DCAF6: variants seen among roughly 807,000 people sequenced by gnomAD.
DCAF6 encodes DDB1 and CUL4 associated factor 6, also known as DDB1- and CUL4-associated factor 6.
In DCAF6, 54 loss-of-function variants were observed where a neutral mutation model predicts 125.1. The observed-to-expected ratio is 0.43, with a 90% confidence interval of 0.35 to 0.54. The LOEUF is 0.54. DCAF6 is among the 20% of genes least tolerant of loss of function. The probability of loss-of-function intolerance (pLI) is 0.01; values close to 1 mark genes in which losing one functional copy is unlikely to be tolerated. For synonymous variants in DCAF6, 371 were observed against 390.4 expected, an observed-to-expected ratio of 0.95 and a Z score of 0.58; for missense variants, 934 against 1,161.7, an observed-to-expected ratio of 0.80 and a Z score of 2.85.
intron 4 of DCAF6, among the ~76,000 whole-genome samples, chr1:167,984,931 C>T (rs1235220842): frequency 6.6e-6 from 1 of 152,098 alleles, no homozygotes; most frequent in Non-Finnish European, 1.5e-5. Context: ...TTCTGTGTAC[C>T]TGGGAGGCCT....
At chr1:168,039,148 T>G (rs1688188390) in intron 13 of DCAF6, among the ~76,000 whole-genome samples, 1 of 152,004 alleles carries the variant, frequency 6.6e-6, no homozygotes, top group Admixed American at 6.6e-5. Context: ...TCAAGATTAT[T>G]TGAGAGATAT....
rs1202678546 is a variant in DCAF6 at position 168,073,175 on chromosome 1, C to CA, written c.2792-2186dup. 3.6e-4 allele frequency among the ~76,000 whole-genome samples: 51 copies of CA among 139,988 alleles called. No individual in the cohort carries two copies. In the East Asian group the frequency reaches 4.9e-3, roughly 13 times the overall value. The allele number at this position is 139,988 out of a possible 152,430, so 91.8% of individuals were successfully genotyped here. A position where few individuals can be genotyped will look rare whatever the true frequency, so the allele number is the denominator to read the frequency against. ...TGGGCGATAGAGCGAGACTCGGTCT[C>CA]AAAAAAAAAAGAAGAAAAAGAAAAA... On this transcript the variant is annotated intron_variant, in intron 21 of 21. Coordinates refer to ENST00000367840, the MANE Select transcript of DCAF6 (RefSeq NM_001198956.2).
chr1:167,942,024 A>G (rs1428213230), intron 1 of DCAF6, among the ~76,000 whole-genome samples: 1 of 152,174 alleles, frequency 6.6e-6, no homozygotes, highest in Non-Finnish European at 1.5e-5. Flanking sequence ...TGTAGCCTTC[A>G]TGGTAGGCGT....
Position 168,003,955 on chromosome 1 carries a change from A to G in DCAF6, c.1083A>G (p.Gln361=), listed in dbSNP as rs146367867. ...RWFEEASEVA[Q]SNRGRGRSRP... is the part of the protein sequence containing the mutation. The stretch of plus-strand genomic sequence containing the variant: ...TTGAAGAAGCAAGTGAGGTTGCACA[A>G]AGCAATAGAGGACGAGGAAGATCTC... The change falls in exon 9 of 22, where the codon CAA becomes CAG. Residue 361 remains glutamine, a synonymous_variant. Coordinates refer to ENST00000367840, the MANE Select transcript of DCAF6 (RefSeq NM_001198956.2). 4.3e-5 allele frequency: 70 copies of G among 1,612,456 alleles called. No homozygotes were observed. The African/African-American group carries it at 8.3e-4, about 19-fold the overall frequency.
intron 2 of DCAF6, among the ~76,000 whole-genome samples, chr1:167,961,953 C>T (rs1675666931): frequency 6.6e-6 from 1 of 152,134 alleles, no homozygotes; most frequent in African/African-American, 2.4e-5. Flanking sequence ...CTTGAGATTT[C>T]TTCTTTGACC....
chr1:167,901,677 T>A, the DCAF6 span: 1 of 1,614,172 alleles, frequency 6.2e-7, no homozygotes, highest in South Asian at 1.1e-5. Flanking sequence ...TTGACTCGGA[T>A]GTCTAGGCCT....
At chr1:167,974,601 T>C (rs1677851981) in intron 3 of DCAF6, among the ~76,000 whole-genome samples, 1 of 152,174 alleles carries the variant, frequency 6.6e-6, no homozygotes, top group African/African-American at 2.4e-5. Flanking sequence ...TTTATTTTCA[T>C]GATACTGTTC....
chr1:168,028,488 G>A (rs1686633931), intron 12 of DCAF6, among the ~76,000 whole-genome samples: 1 of 152,136 alleles, frequency 6.6e-6, no homozygotes, highest in Non-Finnish European at 1.5e-5. Flanking sequence ...GTAGGCAGTT[G>A]TGCATCTGCA....
At chr1:168,001,122 T>C (rs773200897) in intron 7 of DCAF6, among the ~76,000 whole-genome samples, 3 of 151,994 alleles carry the variant, frequency 2.0e-5, no homozygotes, top group Non-Finnish European at 4.4e-5. Context: ...GCAACATAGC[T>C]AGACTCCATC....
intron 1 of DCAF6, among the ~76,000 whole-genome samples, chr1:167,939,058 A>G (rs894382881): frequency 2.6e-5 from 4 of 152,202 alleles, no homozygotes; most frequent in African/African-American, 7.2e-5. Flanking sequence ...GTGGTTTTCT[A>G]AGTACTTGAA....
chr1:168,063,061 G>A (rs1196625025), intron 17 of DCAF6, among the ~76,000 whole-genome samples: 1 of 151,902 alleles, frequency 6.6e-6, no homozygotes, highest in Non-Finnish European at 1.5e-5. Context: ...ATAGGCGCCC[G>A]CTGCCAAACC....
At chr1:168,034,970 G>T (rs1687606995) in intron 12 of DCAF6, among the ~76,000 whole-genome samples, 1 of 152,080 alleles carries the variant, frequency 6.6e-6, no homozygotes, top group African/African-American at 2.4e-5. Flanking sequence ...GACATTTGTA[G>T]TTTAGAATAT....
intron 16 of DCAF6, among the ~76,000 whole-genome samples, chr1:168,046,858 T>G (rs530863835): frequency 6.6e-6 from 1 of 152,244 alleles, no homozygotes; most frequent in Admixed American, 6.5e-5. Flanking sequence ...GCTAATGTCT[T>G]ATTTTTCTAC....
At chr1:168,054,306 C>T (rs952779294) in intron 17 of DCAF6, among the ~76,000 whole-genome samples, 10 of 152,100 alleles carry the variant, frequency 6.6e-5, no homozygotes, top group African/African-American at 2.4e-4. Context: ...TGCAGAGTCC[C>T]GAGCTGGCAC....
At chr1:167,999,787 T>G (rs769178057) in intron 7 of DCAF6, among the ~76,000 whole-genome samples, 1 of 152,186 alleles carries the variant, frequency 6.6e-6, no homozygotes, top group African/African-American at 2.4e-5. Flanking sequence ...GATGACTGGT[T>G]TGATCTTCCT....
At chr1:168,012,614 C>T (rs1684453967) in intron 10 of DCAF6, among the ~76,000 whole-genome samples, 1 of 152,128 alleles carries the variant, frequency 6.6e-6, no homozygotes, top group African/African-American at 2.4e-5. Flanking sequence ...TTTAAAATTT[C>T]AAGCTGCTAG....
At chr1:168,045,610 T>G (rs531201034) in intron 16 of DCAF6, among the ~76,000 whole-genome samples, 1 of 152,304 alleles carries the variant, frequency 6.6e-6, no homozygotes, top group Admixed American at 6.5e-5. Context: ...TTAATGTTAA[T>G]TTTTTCTGCT....
At chr1:167,966,352 T>G (rs1036521413) in intron 2 of DCAF6, among the ~76,000 whole-genome samples, 4 of 152,190 alleles carry the variant, frequency 2.6e-5, no homozygotes, top group Non-Finnish European at 5.9e-5. Flanking sequence ...CCCACATAAA[T>G]TCATAAACTT....
At chr1:167,972,558 G>A (rs958776211) in intron 3 of DCAF6, among the ~76,000 whole-genome samples, 2 of 152,192 alleles carry the variant, frequency 1.3e-5, no homozygotes, top group Non-Finnish European at 2.9e-5. Context: ...GTAGGAGATA[G>A]GAGGCCATTG....
Sources: allele counts gnomAD v4.1 joint callset (sites outside exome capture counted in the v4.1 genomes callset), GRCh38; gene constraint gnomAD v4.1.1; transcripts MANE v1.5; gene names NCBI Gene and HGNC (gene_info 2026-07-23, HGNC 2026-07-21).